Variants in AGAP1 observed in about 807,000 individuals in gnomAD.
AGAP1 encodes arf-GAP with GTPase, ANK repeat and PH domain-containing protein 1.
A neutral mutation model predicts 105.3 loss-of-function variants in AGAP1; 29 were observed. The observed-to-expected ratio is 0.28, with a 90% CI of 0.21 to 0.38. The LOEUF (loss-of-function observed/expected upper bound fraction) is 0.38. Among genes scored for constraint, AGAP1 ranks in the 10% least tolerant of loss-of-function variants. The pLI, the probability that AGAP1 is intolerant of heterozygous loss-of-function variation, is 1.00. For missense variants in AGAP1, 998 were observed against 1,165.1 expected (o/e 0.86, Z 2.09); for synonymous variants, 509 against 485.9 (o/e 1.05, Z -0.63).
Position 235,936,139 on chromosome 2 carries a change from G to A in AGAP1, c.1483+5216G>A, listed in dbSNP as rs374795514. Among the ~76,000 whole-genome samples the A allele has an allele frequency of 5.3e-5, 8 of 152,194 alleles. No individual in the cohort carries two copies. The East Asian group carries it at 7.7e-4, about 15-fold the overall frequency. On this transcript the variant is annotated intron_variant, in intron 12 of 17. Transcript: ENST00000304032. The surrounding 1 kb of genome is among the most constrained non-coding windows in gnomAD (Gnocchi z 4.7). ...AGTCCAACAGTTTATCTTCTGCCAC[G>A]CTGACTGGCCATCACTGTTAATACT...
At chr2:236,019,296 CAGGG>C (rs2056811229) in intron 13 of AGAP1, among the ~76,000 whole-genome samples, 1 of 152,148 alleles carries the variant, frequency 6.6e-6, no homozygotes, top group African/African-American at 2.4e-5. Flanking sequence ...CCACTGCCCT[CAGGG>C]AGCTTACTGT....
In AGAP1 at chr2:235,908,424, G is replaced by A. The variant is rs1276265441; in HGVS notation, c.1156-314G>A. On this transcript the variant is annotated intron_variant, in intron 10 of 17. Coordinates refer to ENST00000304032, the MANE Select transcript of AGAP1 (RefSeq NM_001037131.3). This position sits in a 1 kb window ranked among gnomAD's most constrained non-coding sequence, Gnocchi z 4.4. ...AGGAGCCTAATGTACCCTCTGATAA[G>A]CAAGAGTTCAAAAAATCAGATTTTG... is the stretch of plus-strand genomic sequence containing the variant. 1.3e-5 allele frequency among the ~76,000 whole-genome samples: 2 copies of A among 152,102 alleles called. No homozygotes were observed. Among genetic ancestry groups the A allele is most frequent in the African/African-American group, 4.8e-5 (2 of 41,428 alleles).
intron 6 of AGAP1, chr2:235,775,634 T>TC (rs1955802387): frequency 6.6e-6 from 1 of 152,144 alleles, no homozygotes; most frequent in Admixed American, 6.5e-5. Context: ...CGCCCCGAGT[T>TC]AAGTGTTAAC....
At position 235,893,546 on chromosome 2, in the gene AGAP1, G is replaced by T. The variant is rs995629827; in HGVS notation, c.1155+10097G>T. ...CGAGGGTGCACCATGTCTGTGGTGC[G>T]GGTGTGCCGTGTCCATCATGAGGGT... On this transcript the variant is annotated intron_variant, in intron 10 of 17. Coordinates refer to ENST00000304032, the MANE Select transcript of AGAP1 (RefSeq NM_001037131.3). This position sits in a 1 kb window ranked among gnomAD's most constrained non-coding sequence, Gnocchi z 4.7. Among the ~76,000 whole-genome samples the T allele has an allele frequency of 4.6e-5, 7 of 152,076 alleles. No individual in the cohort carries two copies. The East Asian group carries it at 1.3e-3, about 29-fold the overall frequency.
At chr2:235,703,667 C>T (rs534020449) in intron 1 of AGAP1, among the ~76,000 whole-genome samples, 2 of 150,996 alleles carry the variant, frequency 1.3e-5, no homozygotes, top group African/African-American at 2.4e-5. Context: ...GGCACAATCT[C>T]GGCTTACCAC....
At chr2:236,013,192 G>A (rs1023822289) in intron 13 of AGAP1, among the ~76,000 whole-genome samples, 26 of 152,116 alleles carry the variant, frequency 1.7e-4, no homozygotes, top group Admixed American at 1.0e-3. Flanking sequence ...GTGCTTTATC[G>A]CAGAATTGTA....
chr2:236,046,655 G>A lies in AGAP1; in HGVS notation c.1892-2404G>A, dbSNP rs191766286. ...ATAATAATTCAGGAGCCAGGAAGAG[G>A]TGTTAGTGCCTGAGTGGTGATTGAA... On this transcript the variant is annotated intron_variant, in intron 15 of 17. Coordinates refer to ENST00000304032, the MANE Select transcript of AGAP1 (RefSeq NM_001037131.3). This position sits in a 1 kb window ranked among gnomAD's most constrained non-coding sequence, Gnocchi z 5.2. Among the ~76,000 whole-genome samples, 60 of 152,300 alleles carry A rather than the reference G, an allele frequency of 3.9e-4. No individual in the cohort carries two copies. Among genetic ancestry groups the A allele is most frequent in the Middle Eastern group, 3.4e-3 (1 of 294 alleles).
At chr2:236,070,533 G>T (rs903266838) in intron 16 of AGAP1, among the ~76,000 whole-genome samples, 9 of 152,180 alleles carry the variant, frequency 5.9e-5, no homozygotes, top group African/African-American at 2.2e-4. Context: ...CTACACAGTG[G>T]AAACAAACTA....
At chr2:235,742,219 T>C (rs541573491) in intron 4 of AGAP1, among the ~76,000 whole-genome samples, 1 of 152,274 alleles carries the variant, frequency 6.6e-6, no homozygotes, top group African/African-American at 2.4e-5. Context: ...ATACAGGACT[T>C]CTTAGGCCTC....
rs1440069360 is a variant in AGAP1, at chr2:235,532,465, C to T, written c.163+37616C>T. On this transcript the variant is annotated intron_variant, in intron 1 of 17. Transcript: ENST00000304032. ...AAGCGATCCTCCTGCCTCGGGCTCCCAGAATGCTAGGATTACAGGTGTGAG... is the reference window on the plus strand; with the variant it reads ...AAGCGATCCTCCTGCCTCGGGCTCCTAGAATGCTAGGATTACAGGTGTGAG... Among the ~76,000 whole-genome samples, 4 of 152,214 alleles carry T rather than the reference C, an allele frequency of 2.6e-5. No homozygotes were observed. In the East Asian group the frequency reaches 5.8e-4, roughly 22 times the overall value.
At chr2:235,693,680 C>T (rs1949853869) in intron 1 of AGAP1, among the ~76,000 whole-genome samples, 1 of 152,080 alleles carries the variant, frequency 6.6e-6, no homozygotes, top group Non-Finnish European at 1.5e-5. Context: ...ATAGTGAGGC[C>T]TCGTCTCCAA....
chr2:235,764,325 A>G (rs547206419), intron 6 of AGAP1, among the ~76,000 whole-genome samples: 2 of 152,252 alleles, frequency 1.3e-5, no homozygotes, highest in Admixed American at 6.5e-5. Flanking sequence ...ACCGATTTTC[A>G]GGGAAGAGCT....
chr2:235,564,614 G>C (rs956668491), intron 1 of AGAP1, among the ~76,000 whole-genome samples: 3 of 143,446 alleles, frequency 2.1e-5, no homozygotes, highest in Non-Finnish European at 1.5e-5. Context: ...CCAGGTGTGA[G>C]CCTGGACCAC....
intron 11 of AGAP1, among the ~76,000 whole-genome samples, chr2:235,909,929 G>A (rs1300594161): frequency 2.6e-5 from 4 of 152,128 alleles, no homozygotes; most frequent in Non-Finnish European, 2.9e-5. Flanking sequence ...GCTGAGGCAG[G>A]AGAATCGCTT....
intron 16 of AGAP1, among the ~76,000 whole-genome samples, chr2:236,079,224 C>G (rs2058717491): frequency 6.8e-6 from 1 of 147,856 alleles, no homozygotes. Flanking sequence ...TTGCTTGATA[C>G]TGTGACCCAT....
At position 235,690,235 on chromosome 2, in the gene AGAP1, TAAAC is replaced by T. The variant is rs932252315; in HGVS notation, c.164-18941_164-18938del. The stretch of plus-strand genomic sequence containing the variant: ...CTCAGAGAACTTTAGTACACAGTCT[TAAAC>T]AACCCTGGAATGTTGAGCTAAAAGG... On this transcript the variant is annotated intron_variant, in intron 1 of 17. Coordinates refer to ENST00000304032, the MANE Select transcript of AGAP1 (RefSeq NM_001037131.3). The surrounding 1 kb of genome is among the most constrained non-coding windows in gnomAD (Gnocchi z 4.1). 1.6e-4 allele frequency among the ~76,000 whole-genome samples: 24 copies of T among 151,942 alleles called. No homozygotes were observed. The highest frequency in any genetic ancestry group is 3.4e-4 in the Non-Finnish European group (23 of 67,992).
At chr2:236,069,580 C>T (rs553682084) in intron 16 of AGAP1, among the ~76,000 whole-genome samples, 5 of 152,278 alleles carry the variant, frequency 3.3e-5, no homozygotes, top group South Asian at 2.1e-4. Context: ...CACGCCACCA[C>T]GCCTGGCTAA....
At chr2:235,785,051 C>T (rs1956537000) in intron 6 of AGAP1, among the ~76,000 whole-genome samples, 1 of 152,224 alleles carries the variant, frequency 6.6e-6, no homozygotes, top group Non-Finnish European at 1.5e-5. Context: ...GCCACCGCTG[C>T]TGGCTCATTA....
intron 10 of AGAP1, among the ~76,000 whole-genome samples, chr2:235,899,388 C>A (rs1237343104): frequency 3.9e-5 from 6 of 152,218 alleles, no homozygotes; most frequent in African/African-American, 1.4e-4. Context: ...TTGCAGGCGC[C>A]TGTAATCCCA....
Sources: allele counts gnomAD v4.1 joint callset (sites outside exome capture counted in the v4.1 genomes callset), GRCh38; gene constraint gnomAD v4.1.1; non-coding constraint Gnocchi (gnomAD v3.1); transcripts MANE v1.5; gene names NCBI Gene and HGNC (gene_info 2026-07-23, HGNC 2026-07-21).